PLEKHG2: variants seen among roughly 807,000 people sequenced by gnomAD.
The protein encoded by PLEKHG2 is pleckstrin homology and RhoGEF domain containing G2, also known as pleckstrin homology domain-containing family G member 2.
PLEKHG2 carries 71 observed loss-of-function variants against 104.4 expected under a neutral mutation model. That is an observed-to-expected ratio of 0.68 (90% CI 0.56 to 0.83). PLEKHG2 has a LOEUF of 0.83. Ranked by LOEUF, PLEKHG2 falls within the 40% of genes least tolerant of loss-of-function variation. PLEKHG2 has a pLI of 0.00. For missense variants in PLEKHG2, 1,730 were observed against 1,809.4 expected (o/e 0.96, Z 0.80); for synonymous variants, 728 against 737.0 (o/e 0.99, Z 0.20).
rs977334496 is a variant in PLEKHG2 at position 39,415,685 on chromosome 19, G to A, written c.479+246G>A. On this transcript the variant is annotated intron_variant, in intron 4 of 18. Coordinates refer to ENST00000425673, the MANE Select transcript of PLEKHG2 (RefSeq NM_022835.3). The surrounding 1 kb of genome is among the most constrained non-coding windows in gnomAD (Gnocchi z 4.6). ...ACCCCGAGTGAGGGAGGGGCATAGC[G>A]GATGGGAGGACCCCGAGTGAGGGAG... Among the ~76,000 whole-genome samples, 5 of 152,012 alleles carry A rather than the reference G, an allele frequency of 3.3e-5. No individual in the cohort carries two copies. The highest frequency in any genetic ancestry group is 1.2e-4 in the African/African-American group (5 of 41,378).
Position 39,417,924 on chromosome 19 carries a change from G to C in PLEKHG2, c.902G>C (p.Gly301Ala). Residue 301 changes from glycine (G) to alanine (A), a missense_variant, in exon 9 of 19, where the codon GGT becomes GCT. Transcript: ENST00000425673. ...CGGCAGGAAGTGCAGCGGCGGCTGG[G>C]TGGCTGGACCGGACCAGAGCTCAGT... is the stretch of plus-strand genomic sequence containing the variant. ...ARLQEVQRRL[G>A]GWTGPELSAF... 6.5e-7 allele frequency: 1 copy of C among 1,542,728 alleles called. No homozygotes were observed. The highest frequency in any genetic ancestry group is 8.7e-7 in the Non-Finnish European group (1 of 1,145,642).
At position 39,424,331 on chromosome 19, in the gene PLEKHG2, C is replaced by T; in HGVS notation, c.3198C>T (p.Gly1066=). 3 of 1,614,164 alleles carry T rather than the reference C, an allele frequency of 1.9e-6. No homozygotes were observed. The highest frequency in any genetic ancestry group is 2.5e-6 in the Non-Finnish European group (3 of 1,180,028). Residue 1066 remains glycine, a synonymous_variant, in exon 19 of 19, where the codon GGC becomes GGT. Coordinates refer to ENST00000425673, the MANE Select transcript of PLEKHG2 (RefSeq NM_022835.3). ...AAGGAGGTTCCAGGGATGTTCAGGG[C>T]CCAGACCCTGTCTGCAGTCAACCCA... The part of the protein sequence containing the change: ...TKQGGSRDVQ[G]PDPVCSQPIQ...
At chr19:39,418,463 C>T (rs2078644912) in intron 9 of PLEKHG2, among the ~76,000 whole-genome samples, 1 of 151,982 alleles carries the variant, frequency 6.6e-6, no homozygotes, top group South Asian at 2.1e-4. Flanking sequence ...CCTGTAATCC[C>T]AGCTACTGGG....
At position 39,415,533 on chromosome 19, in the gene PLEKHG2, C is replaced by T. The variant is rs2078589862; in HGVS notation, c.479+94C>T. On this transcript the variant is annotated intron_variant, in intron 4 of 18. Transcript: ENST00000425673. This position sits in a 1 kb window ranked among gnomAD's most constrained non-coding sequence, Gnocchi z 4.6. ...GGAGCTTCGTAGTGTCCTGTCCAGG[C>T]TGGTACGTGGGGTTGTGACATTGGG... 1 of 1,367,010 alleles carries T rather than the reference C, an allele frequency of 7.3e-7. No homozygotes were observed. Among genetic ancestry groups the T allele is most frequent in the Non-Finnish European group, 1.0e-6 (1 of 988,850 alleles). The allele number at this position is 1,367,010 out of a possible 1,614,324, so 84.7% of individuals were successfully genotyped here. A position where few individuals can be genotyped will look rare whatever the true frequency, so the allele number is the denominator to read the frequency against.
chr19:39,422,669 G>C, intron 17 of PLEKHG2, 63 bp from the exon 18 acceptor site: 1 of 1,488,270 alleles, frequency 6.7e-7, no homozygotes, highest in South Asian at 1.5e-5. Context: ...GATTACAGGC[G>C]TGAGCCACCA....
rs2078727234 is a variant in PLEKHG2 at position 39,423,171 on chromosome 19, C to G, written c.2117C>G (p.Pro706Arg). Residue 706 changes from proline (P) to arginine (R), a missense_variant, in exon 18 of 19, where the codon CCA becomes CGA. Pro to Arg is a moderately radical substitution (Grantham distance 103). Transcript: ENST00000425673. ...QGPLQEPAEA[P>R]ATRRELFSGS... is the part of the protein sequence containing the mutation. ...CCTCTGCAGGAACCAGCTGAGGCTC[C>G]AGCCACCAGGAGAGAACTGTTTTCT... 1 of 1,612,848 alleles carries G rather than the reference C, an allele frequency of 6.2e-7. No individual in the cohort carries two copies. The highest frequency in any genetic ancestry group is 1.3e-5 in the African/African-American group (1 of 74,866).
intron 16 of PLEKHG2, 123 bp downstream of exon 16, chr19:39,421,422 A>G: frequency 9.1e-7 from 1 of 1,094,576 alleles, no homozygotes; most frequent in Non-Finnish European, 1.4e-6. Flanking sequence ...AGAGTAACTC[A>G]TGCCTGTAAT....
In PLEKHG2 at chr19:39,425,553, T is replaced by C. The variant is rs995883065; in HGVS notation, c.*259T>C. On this transcript the variant is annotated 3_prime_UTR_variant, in exon 19 of 19. Transcript: ENST00000425673. ...TTCCCATTCTGGAGGCTGTGGGAGA[T>C]GACAAGACAATGAATGGGAAGGTCT... 4 of 532,036 alleles carry C rather than the reference T, an allele frequency of 7.5e-6. No individual in the cohort carries two copies. In the African/African-American group the frequency reaches 7.9e-5, roughly 11 times the overall value. The allele number at this position is 532,036 out of a possible 1,614,324, so 33.0% of individuals were successfully genotyped here. A position where few individuals can be genotyped will look rare whatever the true frequency, so the allele number is the denominator to read the frequency against.
rs10404502 is a variant in PLEKHG2 at position 39,413,595 on chromosome 19, C to G, written c.-23+183C>G. On this transcript the variant is annotated intron_variant, in intron 1 of 18. Transcript: ENST00000425673. The surrounding 1 kb of genome is among the most constrained non-coding windows in gnomAD (Gnocchi z 4.5). ...GACGGCGATCGGGGTTCGGAGAGAC[C>G]GGCCGGAGGGGGTGCGAGGGCTCGG... 0.045 allele frequency: 6,869 copies of G among 151,776 alleles called. 541 individuals carry two copies. The highest frequency in any genetic ancestry group is 0.16 in the African/African-American group (6,585 of 41,052). The allele number at this position is 151,776 out of a possible 1,614,324, so 9.4% of individuals were successfully genotyped here.
intron 9 of PLEKHG2, among the ~76,000 whole-genome samples, chr19:39,418,328 G>A (rs997794135): frequency 3.3e-5 from 5 of 151,914 alleles, no homozygotes; most frequent in Admixed American, 6.6e-5. Context: ...CCTGTAATCC[G>A]AGCACTTTGG....
At position 39,416,500 on chromosome 19, in the gene PLEKHG2, G is replaced by A. The variant is rs1274211878; in HGVS notation, c.547-51G>A. Reference sequence around the variant, plus strand: ...AGGCTTGGGCTAGGCTGGAAGGGGGGTCGTGGGAAGCCAGGACCTGGGGTC... The same window carrying A: ...AGGCTTGGGCTAGGCTGGAAGGGGGATCGTGGGAAGCCAGGACCTGGGGTC... On this transcript the variant is annotated intron_variant, in intron 5 of 18. Transcript: ENST00000425673. The surrounding 1 kb of genome is among the most constrained non-coding windows in gnomAD (Gnocchi z 4.5). The A allele has an allele frequency of 9.3e-6, 15 of 1,606,438 alleles. No individual in the cohort carries two copies. Among genetic ancestry groups the A allele is most frequent in the African/African-American group, 1.3e-5 (1 of 74,594 alleles).
At position 39,416,680 on chromosome 19, in the gene PLEKHG2, C is replaced by T. The variant is rs1040784468; in HGVS notation, c.593+83C>T. 91 of 1,560,084 alleles carry T rather than the reference C, an allele frequency of 5.8e-5. No individual in the cohort carries two copies. Among genetic ancestry groups the T allele is most frequent in the Non-Finnish European group, 7.2e-5 (82 of 1,135,722 alleles). On this transcript the variant is annotated intron_variant, in intron 6 of 18. Transcript: ENST00000425673. This position sits in a 1 kb window ranked among gnomAD's most constrained non-coding sequence, Gnocchi z 4.5. ...TCACCCGTCACCCTCCCTCTACCCC[C>T]GACCCATCCAGCACCGACCCCTGCC... is the stretch of plus-strand genomic sequence containing the variant.
In PLEKHG2 at chr19:39,422,173, C is replaced by G. The variant is rs374227711; in HGVS notation, c.1562C>G (p.Ser521Cys). The change falls in exon 17 of 19, where the codon TCT becomes TGT. Residue 521 changes from serine (S) to cysteine (C), a missense_variant. By Grantham distance (112) the Ser-to-Cys change is moderately radical. Transcript: ENST00000425673. ...GAATCTCAGCCACCAGTTTCAGGCTCTGCACCCCCTGAGGACCTGGAGGAT... is the reference window on the plus strand; with the variant it reads ...GAATCTCAGCCACCAGTTTCAGGCTGTGCACCCCCTGAGGACCTGGAGGAT... The part of the protein sequence containing the change: ...PPESQPPVSG[S>C]APPEDLEDAG... 302 of 1,613,790 alleles carry G rather than the reference C, an allele frequency of 1.9e-4. No homozygotes were observed. The highest frequency in any genetic ancestry group is 2.3e-4 in the Non-Finnish European group (274 of 1,179,930).
intron 2 of PLEKHG2, 157 bp downstream of exon 2, chr19:39,414,352 G>C (rs182825641): frequency 1.1e-5 from 8 of 725,660 alleles, no homozygotes; most frequent in South Asian, 1.0e-4. Flanking sequence ...CAGGCCAGAG[G>C]GGGCAGCGCT....
In PLEKHG2 at chr19:39,415,676, G is replaced by A. The variant is rs1250862521; in HGVS notation, c.479+237G>A. 6.6e-6 allele frequency among the ~76,000 whole-genome samples: 1 copy of A among 151,442 alleles called. No individual in the cohort carries two copies. The highest frequency in any genetic ancestry group is 1.5e-5 in the Non-Finnish European group (1 of 67,850). On this transcript the variant is annotated intron_variant, in intron 4 of 18. Transcript: ENST00000425673. The surrounding 1 kb of genome is among the most constrained non-coding windows in gnomAD (Gnocchi z 4.6). ...GATGGGAGGACCCCGAGTGAGGGAGGGGCATAGCGGATGGGAGGACCCCGA... is the reference window on the plus strand; with the variant it reads ...GATGGGAGGACCCCGAGTGAGGGAGAGGCATAGCGGATGGGAGGACCCCGA...
chr19:39,419,031 C>T (rs767184306), intron 11 of PLEKHG2, 28 bp downstream of exon 11: 4 of 1,585,218 alleles, frequency 2.5e-6, no homozygotes, highest in Non-Finnish European at 3.4e-6. Context: ...GCCGGGGGCC[C>T]TCTGAGTGCT....
rs771363402 is a variant in PLEKHG2, at chr19:39,424,661, G to A, written c.3528G>A (p.Ala1176=). Residue 1176 remains alanine (A), a synonymous_variant, in exon 19 of 19, where the codon GCG becomes GCA. Transcript: ENST00000425673. Reference sequence around the variant, plus strand: ...GCCTCCCAGACATCCAGGGTCCAGCGGCTGCACCTCCACTTCCGGAGCCAA... The same window carrying A: ...GCCTCCCAGACATCCAGGGTCCAGCAGCTGCACCTCCACTTCCGGAGCCAA... ...QGSLPDIQGP[A]AAPPLPEPSL... The A allele has an allele frequency of 2.8e-5, 45 of 1,613,974 alleles. No homozygotes were observed. In the Middle Eastern group the frequency reaches 4.9e-4, roughly 18 times the overall value.
chr19:39,422,169 G>A lies in PLEKHG2; in HGVS notation c.1558G>A (p.Gly520Ser). Residue 520 changes from glycine (G) to serine (S), a missense_variant, in exon 17 of 19, where the codon GGC (glycine) becomes AGC (serine). Coordinates refer to ENST00000425673, the MANE Select transcript of PLEKHG2 (RefSeq NM_022835.3). Reference sequence around the variant, plus strand: ...TCCAGAATCTCAGCCACCAGTTTCAGGCTCTGCACCCCCTGAGGACCTGGA... The same window carrying A: ...TCCAGAATCTCAGCCACCAGTTTCAAGCTCTGCACCCCCTGAGGACCTGGA... ...YPPESQPPVS[G>S]SAPPEDLEDA... 1 of 1,613,444 alleles carries A rather than the reference G, an allele frequency of 6.2e-7. No homozygotes were observed. Among genetic ancestry groups the A allele is most frequent in the Non-Finnish European group, 8.5e-7 (1 of 1,179,756 alleles).
At position 39,413,950 on chromosome 19, in the gene PLEKHG2, CA is replaced by C. The variant is rs2078560347; in HGVS notation, c.-22-114del. Reference sequence around the variant, plus strand: ...TTGTGCCTCCCCCATTAGTTACTCCCAGGGGCCCCTCCCTGGATTTACACCA... The same window carrying C: ...TTGTGCCTCCCCCATTAGTTACTCCCGGGGCCCCTCCCTGGATTTACACCA... On this transcript the variant is annotated intron_variant, in intron 1 of 18. Transcript: ENST00000425673. The surrounding 1 kb of genome is among the most constrained non-coding windows in gnomAD (Gnocchi z 4.5). 1 of 648,054 alleles carries C rather than the reference CA, an allele frequency of 1.5e-6. No individual in the cohort carries two copies. The highest frequency in any genetic ancestry group is 1.8e-5 in the African/African-American group (1 of 54,642). The allele number at this position is 648,054 out of a possible 1,614,324, so 40.1% of individuals were successfully genotyped here.
Sources: allele counts gnomAD v4.1 joint callset (sites outside exome capture counted in the v4.1 genomes callset), GRCh38; gene constraint gnomAD v4.1.1; non-coding constraint Gnocchi (gnomAD v3.1); transcripts MANE v1.5; gene names NCBI Gene and HGNC (gene_info 2026-07-23, HGNC 2026-07-21).